Variants in SMOC1 observed in about 807,000 individuals in gnomAD.
The protein encoded by SMOC1 is SPARC-related modular calcium-binding protein 1.
SMOC1 carries 22 observed loss-of-function variants against 56.3 expected under a neutral mutation model. The observed-to-expected ratio is 0.39, with a 90% confidence interval of 0.28 to 0.56. The LOEUF (loss-of-function observed/expected upper bound fraction) is 0.56, where lower values mean the gene tolerates loss of function less well. Ranked by LOEUF, SMOC1 falls within the 20% of genes least tolerant of loss-of-function variation. The pLI is 0.61. For synonymous variants in SMOC1, 193 were observed against 215.0 expected, an observed-to-expected ratio of 0.90 and a Z score of 0.89; for missense variants, 509 against 565.4, an observed-to-expected ratio of 0.90 and a Z score of 1.01.
intron 4 of SMOC1, among the ~76,000 whole-genome samples, chr14:69,976,563 G>A (rs1883963476): frequency 6.6e-6 from 1 of 152,154 alleles, no homozygotes. Flanking sequence ...TAAACATAGA[G>A]AAATTGTGCT....
chr14:70,021,281 G>T (rs1483275843), intron 10 of SMOC1, among the ~76,000 whole-genome samples: 1 of 152,192 alleles, frequency 6.6e-6, no homozygotes, highest in Non-Finnish European at 1.5e-5. Flanking sequence ...TCCCCTACCT[G>T]CACCAATAGA....
chr14:69,980,259 A>T (rs1262832849), intron 5 of SMOC1, among the ~76,000 whole-genome samples: 1 of 152,194 alleles, frequency 6.6e-6, no homozygotes, highest in African/African-American at 2.4e-5. Context: ...TGAAGCCTTC[A>T]TCTCAGAGGG....
intron 1 of SMOC1, among the ~76,000 whole-genome samples, chr14:69,887,416 T>G (rs1044829955): frequency 2.0e-5 from 3 of 152,120 alleles, no homozygotes; most frequent in African/African-American, 7.2e-5. Flanking sequence ...TCTACCTTTT[T>G]GGGGGAGAGG....
At chr14:69,908,072 A>G (rs751808790) in intron 1 of SMOC1, among the ~76,000 whole-genome samples, 1 of 152,224 alleles carries the variant, frequency 6.6e-6, no homozygotes, top group Non-Finnish European at 1.5e-5. Flanking sequence ...GCACAGATCT[A>G]TGGCACAAAA....
At chr14:69,925,740 C>T (rs1437514006) in intron 1 of SMOC1, among the ~76,000 whole-genome samples, 1 of 152,200 alleles carries the variant, frequency 6.6e-6, no homozygotes, top group Non-Finnish European at 1.5e-5. Context: ...ATCAGGGCTG[C>T]TGGCTCTCTG....
chr14:69,887,958 T>A (rs1883855113), intron 1 of SMOC1, among the ~76,000 whole-genome samples: 1 of 152,128 alleles, frequency 6.6e-6, no homozygotes, highest in Admixed American at 6.5e-5. Context: ...TTGCAGGAGC[T>A]GGGGGTGGGA....
intron 1 of SMOC1, among the ~76,000 whole-genome samples, chr14:69,943,528 G>A (rs1753749703): frequency 1.3e-5 from 2 of 152,222 alleles, no homozygotes; most frequent in Admixed American, 6.5e-5. Context: ...CCCCAGAGAA[G>A]AAGGCCAAAG....
At chr14:69,885,669 A>C (rs878977756) in intron 1 of SMOC1, 36 of 1,452,256 alleles carry the variant, frequency 2.5e-5, no homozygotes, top group South Asian at 1.2e-4. Flanking sequence ...ATGTCGTGTG[A>C]AATCACCACC....
intron 3 of SMOC1, among the ~76,000 whole-genome samples, chr14:69,961,391 T>A (rs889087458): frequency 5.3e-5 from 8 of 150,512 alleles, no homozygotes; most frequent in African/African-American, 2.0e-4. Flanking sequence ...TAGTTTTTAT[T>A]ATTTTTTGAG....
intron 3 of SMOC1, among the ~76,000 whole-genome samples, chr14:69,975,318 G>A (rs768560548): frequency 6.6e-6 from 1 of 152,172 alleles, no homozygotes; most frequent in Non-Finnish European, 1.5e-5. Context: ...ACTCCAGCCT[G>A]GGTGACAGAG....
intron 3 of SMOC1, among the ~76,000 whole-genome samples, chr14:69,967,841 G>A (rs1022608488): frequency 1.3e-5 from 2 of 152,136 alleles, no homozygotes; most frequent in African/African-American, 4.8e-5. Context: ...TTCTACTCCT[G>A]TTGCTTCTCA....
intron 1 of SMOC1, among the ~76,000 whole-genome samples, chr14:69,937,548 C>T (rs1277916625): frequency 6.6e-6 from 1 of 152,164 alleles, no homozygotes; most frequent in Non-Finnish European, 1.5e-5. Context: ...TTCTCTCCTG[C>T]TCAGAACAGC....
At chr14:69,982,644 G>A (rs1884221038) in intron 5 of SMOC1, among the ~76,000 whole-genome samples, 1 of 152,094 alleles carries the variant, frequency 6.6e-6, no homozygotes, top group Non-Finnish European at 1.5e-5. Flanking sequence ...GGCTGTCGAG[G>A]GACATTCCAC....
At chr14:69,929,354 A>T (rs973576063) in intron 1 of SMOC1, among the ~76,000 whole-genome samples, 2 of 152,190 alleles carry the variant, frequency 1.3e-5, no homozygotes, top group African/African-American at 4.8e-5. Context: ...TACATGCATC[A>T]TCTCACTATT....
chr14:69,968,076 A>T (rs1226346722), intron 3 of SMOC1, among the ~76,000 whole-genome samples: 1 of 152,232 alleles, frequency 6.6e-6, no homozygotes, highest in Non-Finnish European at 1.5e-5. Context: ...TGTCATTAAA[A>T]CATTGGGAAT....
chr14:70,020,415 C>T (rs1031421176), intron 10 of SMOC1, among the ~76,000 whole-genome samples: 6 of 152,080 alleles, frequency 3.9e-5, no homozygotes, highest in African/African-American at 7.2e-5. Flanking sequence ...AGGTAGGGCT[C>T]TCTTATTTAG....
At chr14:69,915,681 A>G (rs142080276) in intron 1 of SMOC1, among the ~76,000 whole-genome samples, 74 of 152,276 alleles carry the variant, frequency 4.9e-4, no homozygotes, top group African/African-American at 1.7e-3. Context: ...AGTGTCACCA[A>G]TGACCTCCAA....
intron 3 of SMOC1, among the ~76,000 whole-genome samples, chr14:69,963,217 C>T (rs929082100): frequency 1.4e-4 from 21 of 151,868 alleles, no homozygotes; most frequent in African/African-American, 4.4e-4. Flanking sequence ...CTCCACTCAC[C>T]GAGGCAGAGC....
intron 10 of SMOC1, among the ~76,000 whole-genome samples, chr14:70,016,663 G>A (rs767279987): frequency 2.0e-5 from 3 of 152,124 alleles, no homozygotes; most frequent in African/African-American, 7.2e-5. Flanking sequence ...CAACTTTGCC[G>A]GCCCCACCTC....
Sources: allele counts gnomAD v4.1 joint callset (sites outside exome capture counted in the v4.1 genomes callset), GRCh38; gene constraint gnomAD v4.1.1; transcripts MANE v1.5; gene names NCBI Gene and HGNC (gene_info 2026-07-23, HGNC 2026-07-21).